LUZP2: variants seen among roughly 807,000 people sequenced by gnomAD.
LUZP2 encodes the protein leucine zipper protein 2.
A neutral mutation model predicts 51.6 loss-of-function variants in LUZP2; 52 were observed. The observed-to-expected ratio is 1.01, with a 90% CI of 0.81 to 1.27. The LOEUF is 1.27. LUZP2 is among the 50% of genes most tolerant of loss of function. LUZP2 has a pLI of 0.00. For missense variants in LUZP2, 436 were observed against 395.4 expected, an observed-to-expected ratio of 1.10 and a Z score of -0.87; for synonymous variants, 154 against 137.3, an observed-to-expected ratio of 1.12 and a Z score of -0.85.
chr11:24,555,962 A>G (rs1386929058), intron 1 of LUZP2, among the ~76,000 whole-genome samples: 1 of 152,196 alleles, frequency 6.6e-6, no homozygotes, highest in Non-Finnish European at 1.5e-5. Context: ...TGGGCAACAG[A>G]GCAAGAGCCT....
chr11:24,708,047 C>A (rs557056521), intron 1 of LUZP2, among the ~76,000 whole-genome samples: 3 of 151,932 alleles, frequency 2.0e-5, no homozygotes, highest in African/African-American at 4.8e-5. Context: ...GGAGTCAGGG[C>A]AGAGCAGGTA....
intron 7 of LUZP2, among the ~76,000 whole-genome samples, chr11:24,968,930 T>C (rs768231977): frequency 1.2e-4 from 18 of 152,228 alleles, no homozygotes; most frequent in Non-Finnish European, 2.4e-4. Flanking sequence ...CAGTTGTTTA[T>C]AGGAGGAGGG....
chr11:24,822,043 T>A (rs1850377923), intron 5 of LUZP2, among the ~76,000 whole-genome samples: 1 of 151,438 alleles, frequency 6.6e-6, no homozygotes, highest in Non-Finnish European at 1.5e-5. Context: ...TTTTGGCCTT[T>A]GAATAATTGG....
rs530686774 is a variant in LUZP2, at chr11:24,890,750, G to A, written c.397-15241G>A. On this transcript the variant is annotated intron_variant, in intron 5 of 11. Transcript: ENST00000336930. ...ATTATTTCATAGATAAGAGTCACAT[G>A]TTTAATAATGCACAATGAAAATTTG... is the stretch of plus-strand genomic sequence containing the variant. Among the ~76,000 whole-genome samples, 24 of 152,136 alleles carry A rather than the reference G, an allele frequency of 1.6e-4. 2 individuals are homozygous for A. The South Asian group carries it at 5.0e-3, about 32-fold the overall frequency.
At chr11:24,792,419 C>G (rs937380936) in intron 5 of LUZP2, among the ~76,000 whole-genome samples, 9 of 147,720 alleles carry the variant, frequency 6.1e-5, no homozygotes, top group Non-Finnish European at 1.3e-4. Context: ...GAGCAAGACT[C>G]TGTCTCAAAA....
chr11:25,078,420 T>C (rs1859379520), intron 11 of LUZP2, 134 bp from the exon 12 acceptor site: 1 of 649,630 alleles, frequency 1.5e-6, no homozygotes, highest in East Asian at 2.9e-5. Context: ...TTCATTTCTG[T>C]CCTGTGTTCA....
intron 1 of LUZP2, among the ~76,000 whole-genome samples, chr11:24,500,348 GTAAC>G (rs1849957361): frequency 6.6e-6 from 1 of 152,122 alleles, no homozygotes; most frequent in African/African-American, 2.4e-5. Flanking sequence ...TATGAATAAT[GTAAC>G]TAATACAGAA....
chr11:25,025,991 A>G (rs1344068464), intron 9 of LUZP2, among the ~76,000 whole-genome samples: 1 of 152,134 alleles, frequency 6.6e-6, no homozygotes, highest in African/African-American at 2.4e-5. Context: ...TGTCCTTTGT[A>G]GGGACATGGA....
At chr11:24,705,933 G>GA (rs71041793) in intron 1 of LUZP2, among the ~76,000 whole-genome samples, 3,892 of 123,510 alleles carry the variant, frequency 0.032, 60 homozygotes, top group Middle Eastern at 0.057. Context: ...CGCTAAAAAA[G>GA]AAAAAAAAAA....
At chr11:25,057,783 G>A (rs142183097) in intron 10 of LUZP2, among the ~76,000 whole-genome samples, 1 of 151,896 alleles carries the variant, frequency 6.6e-6, no homozygotes, top group Non-Finnish European at 1.5e-5. Flanking sequence ...CATTACATCT[G>A]CTTGCAAGTC....
rs1564974599 is a variant in LUZP2 at position 24,842,541 on chromosome 11, A to T, written c.397-63450A>T. Among the ~76,000 whole-genome samples, 4 of 151,926 alleles carry T rather than the reference A, an allele frequency of 2.6e-5. No individual in the cohort carries two copies. In the South Asian group the frequency reaches 8.3e-4, roughly 31 times the overall value. On this transcript the variant is annotated intron_variant, in intron 5 of 11. Coordinates refer to ENST00000336930, the MANE Select transcript of LUZP2 (RefSeq NM_001009909.4). The stretch of plus-strand genomic sequence containing the variant: ...CAAATGTTGACCTCTGTACTCAACA[A>T]TTATACAATACACCCTTTTTTAAAC...
chr11:24,849,358 T>C (rs1851313576), intron 5 of LUZP2, among the ~76,000 whole-genome samples: 1 of 152,078 alleles, frequency 6.6e-6, no homozygotes, highest in South Asian at 2.1e-4. Flanking sequence ...TCAACTCTCA[T>C]TTATGAGTGA....
intron 7 of LUZP2, among the ~76,000 whole-genome samples, chr11:24,956,508 G>A (rs1367705717): frequency 1.3e-5 from 2 of 152,074 alleles, no homozygotes; most frequent in Non-Finnish European, 2.9e-5. Context: ...GTGAGAGAAG[G>A]TCCTGACTTC....
intron 6 of LUZP2, among the ~76,000 whole-genome samples, chr11:24,913,669 T>TTGTGTGTGTGTGTGTGTG (rs35901522): frequency 6.7e-6 from 1 of 148,462 alleles, no homozygotes; most frequent in African/African-American, 2.5e-5. Flanking sequence ...ATCTATTTAT[T>TTGTGTGTGTGTGTGTGTG]TGTGTGTGTG....
chr11:24,720,382 G>A (rs1858219326), intron 1 of LUZP2, among the ~76,000 whole-genome samples: 1 of 152,224 alleles, frequency 6.6e-6, no homozygotes, highest in Middle Eastern at 3.4e-3. Flanking sequence ...AAAATATTAG[G>A]AAACTGAATC....
intron 7 of LUZP2, among the ~76,000 whole-genome samples, chr11:24,916,794 T>A (rs1375599156): frequency 1.3e-5 from 2 of 152,182 alleles, no homozygotes; most frequent in African/African-American, 4.8e-5. Context: ...ACCATAAACA[T>A]ACGTGTGCAT....
chr11:24,741,602 A>G (rs1859144808), intron 4 of LUZP2, among the ~76,000 whole-genome samples: 2 of 151,218 alleles, frequency 1.3e-5, no homozygotes, highest in South Asian at 2.1e-4. Flanking sequence ...AGTCCATTGT[A>G]TCATTCTTAT....
intron 1 of LUZP2, among the ~76,000 whole-genome samples, chr11:24,629,883 C>T (rs1365317880): frequency 1.3e-5 from 2 of 151,804 alleles, no homozygotes; most frequent in African/African-American, 4.8e-5. Context: ...TAATAATAAC[C>T]TTTCTGAGTT....
At chr11:24,714,329 A>G (rs910934132) in intron 1 of LUZP2, among the ~76,000 whole-genome samples, 3 of 152,110 alleles carry the variant, frequency 2.0e-5, no homozygotes, top group African/African-American at 7.2e-5. Flanking sequence ...AGGAAAACAA[A>G]AAGAAAATAT....
Sources: allele counts gnomAD v4.1 joint callset (sites outside exome capture counted in the v4.1 genomes callset), GRCh38; gene constraint gnomAD v4.1.1; transcripts MANE v1.5; gene names NCBI Gene and HGNC (gene_info 2026-07-23, HGNC 2026-07-21).